Variants in DIP2C observed in about 807,000 individuals in gnomAD.
DIP2C encodes disco-interacting protein 2 homolog C.
DIP2C carries 33 observed loss-of-function variants against 192.4 expected under a neutral mutation model. The ratio of observed to expected loss-of-function variants is 0.17; its 90% CI spans 0.13 to 0.23. DIP2C has a LOEUF of 0.23. DIP2C is among the 10% of genes least tolerant of loss of function. The probability of loss-of-function intolerance (pLI) is 1.00; values close to 1 mark genes in which losing one functional copy is unlikely to be tolerated. For synonymous variants in DIP2C, 979 were observed against 864.1 expected (o/e 1.13, Z -2.33); for missense variants, 1,537 against 2,110.1 (o/e 0.73, Z 5.32).
chr10:679,699 C>A (rs532736296), intron 1 of DIP2C, among the ~76,000 whole-genome samples: 1 of 149,360 alleles, frequency 6.7e-6, no homozygotes, highest in Admixed American at 6.7e-5. Context: ...TATCTGTGCT[C>A]CCCATGCCCA....
intron 1 of DIP2C, among the ~76,000 whole-genome samples, chr10:529,104 G>T (rs1847229472): frequency 6.6e-6 from 1 of 152,138 alleles, no homozygotes; most frequent in Admixed American, 6.5e-5. Context: ...CCCAGGAGTG[G>T]GGCAGATCCG....
chr10:324,797 C>T (rs41288725), intron 31 of DIP2C: 26,948 of 405,552 alleles, frequency 0.066, 1,221 homozygotes, highest in South Asian at 0.13. Flanking sequence ...GCCCTGGTGC[C>T]GAGGTAAGGA....
rs570078759 is a variant in DIP2C, at chr10:276,599, G to C, written c.*726C>G. ...GAGATCAAAATAAATTAAACGTTTTGTACATAATTACATATTGAGGAAGTT... is the reference window on the plus strand; with the variant it reads ...GAGATCAAAATAAATTAAACGTTTTCTACATAATTACATATTGAGGAAGTT... On this transcript the variant is annotated 3_prime_UTR_variant, in exon 37 of 37. Coordinates refer to ENST00000280886, the MANE Select transcript of DIP2C (RefSeq NM_014974.3). 15 of 152,436 alleles carry C rather than the reference G, an allele frequency of 9.8e-5. No homozygotes were observed. The highest frequency in any genetic ancestry group is 9.8e-4 in the Admixed American group (15 of 15,268). 9.4% of individuals were successfully genotyped at this position (152,436 alleles called of 1,614,324 possible).
At chr10:523,839 T>C in intron 1 of DIP2C, among the ~76,000 whole-genome samples, 1 of 152,224 alleles carries the variant, frequency 6.6e-6, no homozygotes, top group East Asian at 1.9e-4. Flanking sequence ...AGCACACTTG[T>C]CGCTTTTACA....
At chr10:506,582 C>CA (rs1270603691) in intron 1 of DIP2C, among the ~76,000 whole-genome samples, 1 of 152,172 alleles carries the variant, frequency 6.6e-6, no homozygotes, top group Non-Finnish European at 1.5e-5. Context: ...ATAGAATCCC[C>CA]AGTACTCACA....
chr10:671,538 G>A (rs111442678), intron 1 of DIP2C, among the ~76,000 whole-genome samples: 1 of 100,086 alleles, frequency 1.0e-5, no homozygotes, highest in African/African-American at 4.2e-5. Context: ...GAGGAAACAG[G>A]CCACAGACGC....
At chr10:296,704 A>C (rs1955769431) in intron 32 of DIP2C, among the ~76,000 whole-genome samples, 1 of 152,132 alleles carries the variant, frequency 6.6e-6, no homozygotes, top group Admixed American at 6.5e-5. Context: ...AACACTATGC[A>C]GCCATAAAAA....
chr10:348,858 C>T, intron 25 of DIP2C, 96 bp from the exon 26 acceptor site: 1 of 1,541,794 alleles, frequency 6.5e-7, no homozygotes. Context: ...GCAAGTTCAA[C>T]AGGGAAACGA....
intron 24 of DIP2C, among the ~76,000 whole-genome samples, chr10:352,977 G>C (rs994035808): frequency 6.6e-5 from 10 of 152,104 alleles, no homozygotes; most frequent in Non-Finnish European, 1.5e-4. Flanking sequence ...TTCTCGGCGA[G>C]TGTCCCATAA....
At chr10:350,469 C>T (rs973250061) in intron 24 of DIP2C, among the ~76,000 whole-genome samples, 1 of 152,062 alleles carries the variant, frequency 6.6e-6, no homozygotes, top group Non-Finnish European at 1.5e-5. Flanking sequence ...GATGTGAAGA[C>T]GGCTTCTACA....
At chr10:503,397 G>A (rs1428566887) in intron 1 of DIP2C, among the ~76,000 whole-genome samples, 4 of 152,286 alleles carry the variant, frequency 2.6e-5, no homozygotes, top group Admixed American at 6.5e-5. Flanking sequence ...ATAAGCACTC[G>A]GAAACTAAAA....
intron 1 of DIP2C, among the ~76,000 whole-genome samples, chr10:573,608 C>G (rs1849960302): frequency 6.6e-6 from 1 of 152,184 alleles, no homozygotes; most frequent in Non-Finnish European, 1.5e-5. Context: ...TGGGGTTTCA[C>G]CAGGTTGCCC....
chr10:606,318 C>A lies in DIP2C; in HGVS notation c.85+83176G>T, dbSNP rs529618434. ...CCAGTCACAGCCACACAGCTCAGGG[C>A]ACGGCCACTCGCCCCGCTGCCGTAA... On this transcript the variant is annotated intron_variant, in intron 1 of 36. Transcript: ENST00000280886. 1.6e-3 allele frequency among the ~76,000 whole-genome samples: 241 copies of A among 152,314 alleles called. 3 individuals carry two copies. The highest frequency in any genetic ancestry group is 5.5e-3 in the African/African-American group (227 of 41,566).
intron 17 of DIP2C, among the ~76,000 whole-genome samples, chr10:372,073 CCTTT>C (rs888896796): frequency 2.8e-5 from 4 of 145,170 alleles, no homozygotes; most frequent in African/African-American, 1.1e-4. Flanking sequence ...AACCCCCTTT[CCTTT>C]TTTTTTTTTT....
chr10:553,749 G>A (rs148731801), intron 1 of DIP2C, among the ~76,000 whole-genome samples: 154 of 151,776 alleles, frequency 1.0e-3, no homozygotes, highest in Middle Eastern at 3.4e-3. Context: ...CTGTAACAGC[G>A]GCAAACAGGC....
At chr10:472,985 T>G (rs1970752921) in intron 2 of DIP2C, among the ~76,000 whole-genome samples, 1 of 152,216 alleles carries the variant, frequency 6.6e-6, no homozygotes. Flanking sequence ...AAAATAAATC[T>G]TAGATAATAA....
intron 6 of DIP2C, among the ~76,000 whole-genome samples, chr10:418,218 TGTTCCTGTC>T (rs1965918374): frequency 2.6e-5 from 3 of 115,904 alleles, no homozygotes; most frequent in African/African-American, 1.1e-4. Flanking sequence ...CCTGTCCACC[TGTTCCTGTC>T]AGGGCTTCGA....
At chr10:368,285 T>C (rs1960531004) in intron 18 of DIP2C, among the ~76,000 whole-genome samples, 1 of 152,250 alleles carries the variant, frequency 6.6e-6, no homozygotes, top group African/African-American at 2.4e-5. Flanking sequence ...AAGCCCGCGG[T>C]TGTTCTCACA....
At chr10:405,797 G>T (rs1015089137) in intron 9 of DIP2C, among the ~76,000 whole-genome samples, 11 of 152,164 alleles carry the variant, frequency 7.2e-5, no homozygotes, top group Admixed American at 2.0e-4. Flanking sequence ...GGCCTTTCCG[G>T]CTGAAGGATT....
Sources: gnomAD v4.1 joint callset for allele counts (sites outside exome capture counted in the v4.1 genomes callset) on GRCh38, gnomAD v4.1.1 for gene constraint, MANE v1.5 for transcripts, NCBI Gene and HGNC (gene_info 2026-07-23, HGNC 2026-07-21) for gene names.